ANO4: variants seen among roughly 807,000 people sequenced by gnomAD.
ANO4 encodes the protein anoctamin 4.
In ANO4, 69 loss-of-function variants were observed where a neutral mutation model predicts 141.9. The ratio of observed to expected loss-of-function variants is 0.49; its 90% CI spans 0.40 to 0.59. The LOEUF (loss-of-function observed/expected upper bound fraction) is 0.59, where lower values mean the gene tolerates loss of function less well. ANO4 is among the 20% of genes least tolerant of loss of function. The pLI is 0.00. For missense variants in ANO4, 894 were observed against 1,162.2 expected (o/e 0.77, Z 3.36); for synonymous variants, 350 against 394.3 (o/e 0.89, Z 1.33).
chr12:100,717,586 G>A (rs2030659007), intron 1 of ANO4: 1 of 399,988 alleles, frequency 2.5e-6, no homozygotes, highest in Non-Finnish European at 4.4e-6. Context: ...GCGGCGGGGC[G>A]GAAGGGAGGG....
intron 1 of ANO4, among the ~76,000 whole-genome samples, chr12:100,898,026 G>A (rs779362291): frequency 1.8e-4 from 27 of 152,196 alleles, no homozygotes; most frequent in Non-Finnish European, 3.7e-4. Context: ...AAAAGGCAAG[G>A]TTAAAATATC....
At chr12:100,742,743 A>G (rs1295918748) in intron 3 of ANO4, among the ~76,000 whole-genome samples, 1 of 152,226 alleles carries the variant, frequency 6.6e-6, no homozygotes, top group African/African-American at 2.4e-5. Flanking sequence ...CAGAACACTA[A>G]CTAAATGACT....
At position 100,806,524 on chromosome 12, in the gene ANO4, G is replaced by GTTTTTTTTTTTTT. The variant is rs763949654; in HGVS notation, c.-141+11521_-141+11533dup. The stretch of plus-strand genomic sequence containing the variant: ...TTTTAGGAGGTTTTTTTTTTGTTTC[G>GTTTTTTTTTTTTT]TTTTTTTTTTTTTTTTTTTTTTTTT... On this transcript the variant is annotated intron_variant, in intron 1 of 27. Transcript: ENST00000392977. Among the ~76,000 whole-genome samples, 35 of 59,876 alleles carry GTTTTTTTTTTTTT rather than the reference G, an allele frequency of 5.8e-4. 13 individuals carry two copies. The highest frequency in any genetic ancestry group is 2.0e-3 in the Admixed American group (8 of 4,000). 39.3% of individuals were successfully genotyped at this position (59,876 alleles called of 152,430 possible). A position where few individuals can be genotyped will look rare whatever the true frequency, so the allele number is the denominator to read the frequency against.
chr12:101,093,465 T>G (rs1034401297), intron 17 of ANO4, among the ~76,000 whole-genome samples: 3 of 152,182 alleles, frequency 2.0e-5, no homozygotes, highest in Admixed American at 6.6e-5. Context: ...AATGTGTTCT[T>G]AATCTTCATA....
At chr12:100,722,843 A>G (rs557231141) in intron 1 of ANO4, among the ~76,000 whole-genome samples, 1 of 152,272 alleles carries the variant, frequency 6.6e-6, no homozygotes, top group African/African-American at 2.4e-5. Flanking sequence ...TAATAAGCAT[A>G]ATAACTTTTA....
intron 17 of ANO4, 22 bp from the exon 18 acceptor site, chr12:101,094,234 A>T: frequency 6.3e-7 from 1 of 1,598,758 alleles, no homozygotes; most frequent in South Asian, 1.1e-5. Flanking sequence ...CATTTATTAA[A>T]TGCATGAAAT....
intron 5 of ANO4, among the ~76,000 whole-genome samples, chr12:100,944,567 A>C (rs1485809655): frequency 2.0e-5 from 3 of 151,462 alleles, no homozygotes; most frequent in Non-Finnish European, 4.4e-5. Flanking sequence ...AATCTTTTAG[A>C]CACTACAAAC....
chr12:100,868,045 G>A (rs895188410), intron 1 of ANO4, among the ~76,000 whole-genome samples: 4 of 152,186 alleles, frequency 2.6e-5, no homozygotes, highest in Non-Finnish European at 4.4e-5. Context: ...TCTGTCACCT[G>A]TCTCCACAAG....
At chr12:100,842,793 A>AG (rs1225154341) in intron 1 of ANO4, among the ~76,000 whole-genome samples, 2 of 152,096 alleles carry the variant, frequency 1.3e-5, no homozygotes, top group Non-Finnish European at 2.9e-5. Flanking sequence ...CCCTTTTATA[A>AG]GGCACGAATT....
chr12:101,074,739 TG>T (rs2048956929), intron 14 of ANO4, among the ~76,000 whole-genome samples: 2 of 152,214 alleles, frequency 1.3e-5, no homozygotes, highest in Non-Finnish European at 2.9e-5. Flanking sequence ...TAATAGGCCC[TG>T]GTGTGTAAAG....
intron 1 of ANO4, among the ~76,000 whole-genome samples, chr12:100,828,739 C>A (rs1221199318): frequency 6.6e-6 from 1 of 152,014 alleles, no homozygotes; most frequent in Non-Finnish European, 1.5e-5. Flanking sequence ...CATTCTTCTT[C>A]TCTCCAACTT....
At chr12:101,077,056 C>T (rs1311096246) in intron 14 of ANO4, among the ~76,000 whole-genome samples, 10 of 152,178 alleles carry the variant, frequency 6.6e-5, no homozygotes, top group African/African-American at 2.4e-4. Context: ...ACTCGTGATG[C>T]ATAAACTACA....
At chr12:100,857,993 G>A (rs539546455) in intron 1 of ANO4, among the ~76,000 whole-genome samples, 1 of 152,276 alleles carries the variant, frequency 6.6e-6, no homozygotes, top group East Asian at 1.9e-4. Context: ...AGAGATATAT[G>A]TATGAAAACA....
intron 1 of ANO4, among the ~76,000 whole-genome samples, chr12:100,863,365 ATAAT>A (rs1247550921): frequency 6.6e-6 from 1 of 152,296 alleles, no homozygotes; most frequent in African/African-American, 2.4e-5. Flanking sequence ...CTGTTAGATA[ATAAT>A]TCAGGCATGA....
chr12:100,863,564 C>G (rs76599427), intron 1 of ANO4, among the ~76,000 whole-genome samples: 7,231 of 152,092 alleles, frequency 0.048, 234 homozygotes, highest in Middle Eastern at 0.095. Context: ...TGAGAGGTCT[C>G]TGAATTAATT....
At chr12:101,083,581 C>G in intron 15 of ANO4, 97 bp from the exon 16 acceptor site, 1 of 1,415,518 alleles carries the variant, frequency 7.1e-7, no homozygotes. Context: ...AGTGTGGCAG[C>G]TGTTGACTCT....
chr12:100,878,111 T>C (rs2039404398), intron 1 of ANO4, among the ~76,000 whole-genome samples: 1 of 152,162 alleles, frequency 6.6e-6, no homozygotes, highest in African/African-American at 2.4e-5. Flanking sequence ...AGCAATATTG[T>C]GCATTGAAGA....
chr12:100,800,154 A>G (rs952306834), intron 1 of ANO4, among the ~76,000 whole-genome samples: 2 of 152,178 alleles, frequency 1.3e-5, no homozygotes, highest in African/African-American at 4.8e-5. Flanking sequence ...TTTTACAAAA[A>G]CTATGCATAG....
rs1365653422 is a variant in ANO4 at position 100,901,861 on chromosome 12, A to G, written c.55+21A>G. ...CCCAGGTGATGCATGGGGAAGTTCA[A>G]CGGGGACCCATTTCAGTAGCAACCT... On this transcript the variant is annotated intron_variant, in intron 2 of 27. Coordinates refer to ENST00000392977, the MANE Select transcript of ANO4 (RefSeq NM_001286615.2). The G allele has an allele frequency of 3.2e-6, 5 of 1,573,414 alleles. No individual in the cohort carries two copies. In the African/African-American group the frequency reaches 5.5e-5, roughly 17 times the overall value.
Sources: gnomAD v4.1 joint callset for allele counts (sites outside exome capture counted in the v4.1 genomes callset) on GRCh38, gnomAD v4.1.1 for gene constraint, MANE v1.5 for transcripts, NCBI Gene and HGNC (gene_info 2026-07-23, HGNC 2026-07-21) for gene names.